Variants in MARK3 observed in about 807,000 individuals in gnomAD.
MARK3 encodes the protein MAP/microtubule affinity-regulating kinase 3.
Under a neutral mutation model 90.1 loss-of-function variants are expected in MARK3, and 46 were observed. That is an observed-to-expected ratio of 0.51 (90% CI 0.40 to 0.65). The LOEUF (loss-of-function observed/expected upper bound fraction) is 0.65. Among genes scored for constraint, MARK3 ranks in the 30% least tolerant of loss-of-function variants. MARK3 has a pLI of 0.00. For missense variants in MARK3, 818 were observed against 947.2 expected (o/e 0.86, Z 1.79); for synonymous variants, 321 against 332.6 (o/e 0.97, Z 0.38).
chr14:103,503,577 T>G lies in MARK3; in HGVS notation c.*350T>G. 1 of 230,214 alleles carries G rather than the reference T, an allele frequency of 4.3e-6. No individual in the cohort carries two copies. The highest frequency in any genetic ancestry group is 8.6e-6 in the Non-Finnish European group (1 of 116,282). 14.3% of individuals were successfully genotyped at this position (230,214 alleles called of 1,614,324 possible). A position where few individuals can be genotyped will look rare whatever the true frequency, so the allele number is the denominator to read the frequency against. On this transcript the variant is annotated 3_prime_UTR_variant, in exon 18 of 18. Coordinates refer to ENST00000429436, the MANE Select transcript of MARK3 (RefSeq NM_001128918.3). The stretch of plus-strand genomic sequence containing the variant: ...TACACTGGCAGCCAGTCATTACTAG[T>G]ACCTCTGCGGGAGATCATCCGGTGC...
At chr14:103,438,364 GGTTT>G (rs1438817304) in intron 3 of MARK3, among the ~76,000 whole-genome samples, 1 of 152,134 alleles carries the variant, frequency 6.6e-6, no homozygotes, top group Non-Finnish European at 1.5e-5. Context: ...AAGATTTTGT[GGTTT>G]GTTCACTCAT....
chr14:103,461,075 C>G (rs181979397), intron 6 of MARK3, among the ~76,000 whole-genome samples: 46 of 152,326 alleles, frequency 3.0e-4, no homozygotes, highest in African/African-American at 1.0e-3. Flanking sequence ...AAATATTATA[C>G]AGCCCTCTGA....
intron 2 of MARK3, among the ~76,000 whole-genome samples, chr14:103,423,639 G>T (rs1404008677): frequency 1.3e-5 from 2 of 152,142 alleles, no homozygotes; most frequent in Non-Finnish European, 2.9e-5. Flanking sequence ...AGCTTTGCCT[G>T]AGCTCTCCAG....
intron 2 of MARK3, among the ~76,000 whole-genome samples, chr14:103,423,339 G>A (rs550566436): frequency 6.6e-6 from 1 of 152,046 alleles, no homozygotes; most frequent in East Asian, 1.9e-4. Flanking sequence ...GGTGTTTGCT[G>A]TGGATTTGTT....
intron 13 of MARK3, among the ~76,000 whole-genome samples, chr14:103,476,255 TACGTGC>T (rs987608125): frequency 1.1e-4 from 17 of 152,218 alleles, no homozygotes; most frequent in African/African-American, 3.9e-4. Context: ...GATGGAAGCC[TACGTGC>T]ACACACGGGG....
At position 103,465,953 on chromosome 14, in the gene MARK3, C is replaced by T; in HGVS notation, c.778-19C>T. 6.2e-7 allele frequency: 1 copy of T among 1,607,124 alleles called. No individual in the cohort carries two copies. The highest frequency in any genetic ancestry group is 1.1e-5 in the South Asian group (1 of 89,488). ...AAAGGTTGACTTACTCGTTTTCTTT[C>T]CTCTGTACCTCTCCAAAGGAACTGA... On this transcript the variant is annotated intron_variant, in intron 8 of 17. Transcript: ENST00000429436.
rs2091204960 is a variant in MARK3 at position 103,405,167 on chromosome 14, A to G, written c.143A>G (p.Asp48Gly). The change falls in exon 2 of 18, where the codon GAT becomes GGT. Residue 48 changes from aspartate (D) to glycine (G), a missense_variant. Around this residue, in one of 3 missense-constraint regions of MARK3, gnomAD observed 157 missense variants for 158.7 expected, o/e 0.99. Transcript: ENST00000429436. ...AGAAACTCTATAGCCTCCTGTGCAG[A>G]TGAACAACCTCACATCGGAAACTAC... ...RCRNSIASCA[D>G]EQPHIGNYRL... 1 of 1,602,872 alleles carries G rather than the reference A, an allele frequency of 6.2e-7. No individual in the cohort carries two copies. The highest frequency in any genetic ancestry group is 1.1e-5 in the South Asian group (1 of 88,660).
intron 1 of MARK3, among the ~76,000 whole-genome samples, chr14:103,394,856 C>T (rs866211704): frequency 6.6e-6 from 1 of 152,140 alleles, no homozygotes; most frequent in Non-Finnish European, 1.5e-5. Flanking sequence ...GATCTTGGCT[C>T]ACTGCAACCT....
intron 17 of MARK3, among the ~76,000 whole-genome samples, chr14:103,502,092 G>A (rs1322250505): frequency 6.6e-6 from 1 of 152,182 alleles, no homozygotes; most frequent in East Asian, 1.9e-4. Context: ...TAAATGCCAA[G>A]GAGTGGCTGG....
chr14:103,491,733 T>A, intron 14 of MARK3, 44 bp from the exon 15 acceptor site: 1 of 1,593,194 alleles, frequency 6.3e-7, no homozygotes, highest in Non-Finnish European at 8.6e-7. Flanking sequence ...CTGTAAATTT[T>A]TGTATATCAT....
chr14:103,486,829 T>G (rs1271098984), intron 14 of MARK3, among the ~76,000 whole-genome samples: 1 of 152,192 alleles, frequency 6.6e-6, no homozygotes, highest in African/African-American at 2.4e-5. Context: ...GCTTGCTTTG[T>G]GAAACTCATG....
chr14:103,385,850 C>T lies in MARK3; in HGVS notation c.-180C>T, dbSNP rs1416373192. 1.7e-5 allele frequency: 9 copies of T among 529,988 alleles called. No individual in the cohort carries two copies. The highest frequency in any genetic ancestry group is 3.0e-5 in the Non-Finnish European group (9 of 300,270). The allele number at this position is 529,988 out of a possible 1,614,324, so 32.8% of individuals were successfully genotyped here. ...GGCAGGGAGAGAATGAGCCCCGGGACCCGCCGGGGGACGGCCCGGGCCAGG... is the reference window on the plus strand; with the variant it reads ...GGCAGGGAGAGAATGAGCCCCGGGATCCGCCGGGGGACGGCCCGGGCCAGG... On this transcript the variant is annotated 5_prime_UTR_variant, in exon 1 of 18. Coordinates refer to ENST00000429436, the MANE Select transcript of MARK3 (RefSeq NM_001128918.3).
At chr14:103,470,378 C>T (rs2141662662) in intron 12 of MARK3, among the ~76,000 whole-genome samples, 1 of 150,778 alleles carries the variant, frequency 6.6e-6, no homozygotes, top group Non-Finnish European at 1.5e-5. Flanking sequence ...TGTGTGTTTA[C>T]TTGCCCATAA....
At chr14:103,445,539 A>G (rs2092972774) in intron 3 of MARK3, among the ~76,000 whole-genome samples, 1 of 152,092 alleles carries the variant, frequency 6.6e-6, no homozygotes, top group Non-Finnish European at 1.5e-5. Flanking sequence ...ACGGAATTAA[A>G]TTTTTACTAG....
chr14:103,460,316 A>G (rs1289527667), intron 6 of MARK3, among the ~76,000 whole-genome samples: 3 of 151,448 alleles, frequency 2.0e-5, no homozygotes, highest in Admixed American at 2.0e-4. Flanking sequence ...CGATCTCCTG[A>G]CCTCGTGATC....
At chr14:103,395,765 C>G (rs2090541406) in intron 1 of MARK3, among the ~76,000 whole-genome samples, 1 of 152,088 alleles carries the variant, frequency 6.6e-6, no homozygotes, top group Admixed American at 6.5e-5. Context: ...GCCCTTTTTC[C>G]TCAGAATTTT....
intron 4 of MARK3, among the ~76,000 whole-genome samples, chr14:103,450,645 G>T (rs2093114340): frequency 6.6e-6 from 1 of 152,154 alleles, no homozygotes; most frequent in African/African-American, 2.4e-5. Context: ...AGAGTCTAGG[G>T]AATGGTATGA....
chr14:103,392,558 G>A (rs2090326015), intron 1 of MARK3, among the ~76,000 whole-genome samples: 1 of 152,150 alleles, frequency 6.6e-6, no homozygotes, highest in South Asian at 2.1e-4. Context: ...CACTGCCTTA[G>A]TGTGCAGTGA....
Position 103,428,379 on chromosome 14 carries a change from C to T in MARK3, c.244-8C>T. On this transcript the variant is annotated splice_region_variant and splice_polypyrimidine_tract_variant and intron_variant, in intron 2 of 17. Coordinates refer to ENST00000429436, the MANE Select transcript of MARK3 (RefSeq NM_001128918.3). ...TTAAAATCCATAAATATTTATTATT[C>T]TTTCTAGGTTGCAATAAAAATAATT... 1.5e-6 allele frequency: 2 copies of T among 1,354,718 alleles called. No homozygotes were observed. The highest frequency in any genetic ancestry group is 2.3e-5 in the Admixed American group (1 of 43,362). 83.9% of individuals were successfully genotyped at this position (1,354,718 alleles called of 1,614,324 possible). A position where few individuals can be genotyped will look rare whatever the true frequency, so the allele number is the denominator to read the frequency against.
Sources: allele counts gnomAD v4.1 joint callset (sites outside exome capture counted in the v4.1 genomes callset), GRCh38; gene constraint gnomAD v4.1.1; regional missense constraint gnomAD v4.1.1; transcripts MANE v1.5; gene names NCBI Gene and HGNC (gene_info 2026-07-23, HGNC 2026-07-21).